Variants in CPE observed in about 807,000 individuals in gnomAD.
CPE encodes the protein carbocypeptidase E.
CPE carries 17 observed loss-of-function variants against 53.5 expected under a neutral mutation model. The ratio of observed to expected loss-of-function variants is 0.32; its 90% CI spans 0.22 to 0.48. CPE has a LOEUF of 0.48. Ranked by LOEUF, CPE falls within the 20% of genes least tolerant of loss-of-function variation. The pLI, the probability that CPE is intolerant of heterozygous loss-of-function variation, is 0.99. For missense variants in CPE, 524 were observed against 614.7 expected, an observed-to-expected ratio of 0.85 and a Z score of 1.56; for synonymous variants, 226 against 228.8, an observed-to-expected ratio of 0.99 and a Z score of 0.11.
intron 1 of CPE, among the ~76,000 whole-genome samples, chr4:165,444,152 G>A (rs1455240064): frequency 1.3e-5 from 2 of 152,140 alleles, no homozygotes; most frequent in African/African-American, 2.4e-5. Flanking sequence ...GATTTAGCCC[G>A]TAACACCTAT....
intron 5 of CPE, 66 bp downstream of exon 5, chr4:165,484,670 G>A (rs1732474549): frequency 9.2e-6 from 13 of 1,408,378 alleles, no homozygotes; most frequent in African/African-American, 1.4e-5. Context: ...TTTAGGTTTA[G>A]AGAGTGATTT....
chr4:165,409,794 C>A (rs1191189767), intron 1 of CPE, among the ~76,000 whole-genome samples: 2 of 151,938 alleles, frequency 1.3e-5, no homozygotes, highest in Non-Finnish European at 2.9e-5. Flanking sequence ...TCAGGAGGAC[C>A]CTTCATATTG....
intron 1 of CPE, chr4:165,386,232 G>A: frequency 1.9e-6 from 1 of 523,058 alleles, no homozygotes; most frequent in Non-Finnish European, 3.9e-6. Flanking sequence ...ATTTCCCACT[G>A]TTGGTCTACA....
chr4:165,455,802 G>A (rs541046832), intron 1 of CPE, among the ~76,000 whole-genome samples: 10 of 152,082 alleles, frequency 6.6e-5, no homozygotes, highest in South Asian at 4.2e-4. Flanking sequence ...ACAGGCGCCC[G>A]CCACCACATC....
At chr4:165,427,151 C>T (rs946748472) in intron 1 of CPE, among the ~76,000 whole-genome samples, 7 of 151,860 alleles carry the variant, frequency 4.6e-5, no homozygotes, top group African/African-American at 1.7e-4. Flanking sequence ...GCTGTGTAAC[C>T]TTTCTTATAT....
chr4:165,497,846 A>G lies in CPE; in HGVS notation c.*236A>G, dbSNP rs1732730348. ...CTACCTATATTACACAAAAAAGTAT[A>G]GAAAAGATTTAAGTAATTTTGCCAT... On this transcript the variant is annotated 3_prime_UTR_variant, in exon 9 of 9. Transcript: ENST00000402744. The G allele has an allele frequency of 8.2e-6, 2 of 244,442 alleles. No homozygotes were observed. The highest frequency in any genetic ancestry group is 1.5e-4 in the East Asian group (2 of 13,098). The allele number at this position is 244,442 out of a possible 1,614,324, so 15.1% of individuals were successfully genotyped here. A position where few individuals can be genotyped will look rare whatever the true frequency, so the allele number is the denominator to read the frequency against.
chr4:165,406,395 A>G (rs1053989216), intron 1 of CPE: 29 of 389,356 alleles, frequency 7.4e-5, no homozygotes, highest in Middle Eastern at 4.3e-4. Context: ...CTTTAATTTC[A>G]TTCTTATCTT....
chr4:165,422,976 CA>C (rs58058891), intron 1 of CPE, among the ~76,000 whole-genome samples: 1,715 of 76,976 alleles, frequency 0.022, 26 homozygotes, highest in African/African-American at 0.073. Context: ...AACTCTGTCT[CA>C]AAAAAAAAAA....
At chr4:165,430,396 G>A (rs920530510) in intron 1 of CPE, among the ~76,000 whole-genome samples, 18 of 152,162 alleles carry the variant, frequency 1.2e-4, no homozygotes, top group African/African-American at 4.3e-4. Context: ...AAATGTAAGT[G>A]CTTGTGTGGG....
intron 1 of CPE, among the ~76,000 whole-genome samples, chr4:165,396,475 C>T (rs948217582): frequency 7.2e-5 from 11 of 151,962 alleles, no homozygotes; most frequent in African/African-American, 2.7e-4. Context: ...AGTTTGAGAC[C>T]AGCCTGGCCA....
At chr4:165,435,848 A>G (rs1054856084) in intron 1 of CPE, among the ~76,000 whole-genome samples, 1 of 152,180 alleles carries the variant, frequency 6.6e-6, no homozygotes, top group African/African-American at 2.4e-5. Flanking sequence ...TAAAGACTAT[A>G]ATCTTCATCA....
intron 1 of CPE, among the ~76,000 whole-genome samples, chr4:165,393,803 T>C (rs1028507143): frequency 1.3e-5 from 2 of 152,172 alleles, no homozygotes; most frequent in African/African-American, 4.8e-5. Context: ...TGTAAATGGC[T>C]ATGGGTGTGC....
chr4:165,474,142 C>A (rs970241944), intron 3 of CPE, among the ~76,000 whole-genome samples: 2 of 152,208 alleles, frequency 1.3e-5, no homozygotes, highest in South Asian at 2.1e-4. Context: ...TATAAAGCAG[C>A]CAATAATTGA....
intron 1 of CPE, among the ~76,000 whole-genome samples, chr4:165,434,075 G>A (rs536206992): frequency 6.6e-6 from 1 of 151,852 alleles, no homozygotes; most frequent in South Asian, 2.1e-4. Flanking sequence ...AACCTTCCTT[G>A]TCTTTCCAGA....
intron 1 of CPE, among the ~76,000 whole-genome samples, chr4:165,435,690 G>T (rs757958847): frequency 1.3e-5 from 2 of 150,056 alleles, no homozygotes; most frequent in Non-Finnish European, 3.0e-5. Flanking sequence ...TTTGTTTATC[G>T]TATATAATAA....
intron 1 of CPE, among the ~76,000 whole-genome samples, chr4:165,439,820 A>G (rs1731577434): frequency 6.6e-6 from 1 of 152,164 alleles, no homozygotes; most frequent in Non-Finnish European, 1.5e-5. Context: ...AATAGAGCAA[A>G]TGTCAACATT....
chr4:165,444,955 TA>T (rs68186446), intron 1 of CPE, among the ~76,000 whole-genome samples: 7 of 152,150 alleles, frequency 4.6e-5, no homozygotes, highest in Non-Finnish European at 8.8e-5. Flanking sequence ...CTTCTTATTT[TA>T]TTTTTTTAAA....
At chr4:165,464,928 C>T (rs563225355) in intron 2 of CPE, among the ~76,000 whole-genome samples, 79 of 152,208 alleles carry the variant, frequency 5.2e-4, no homozygotes, top group Middle Eastern at 3.4e-3. Context: ...TATCTACTGC[C>T]TTTTGTTGAA....
At chr4:165,385,737 A>G (rs1359807653) in intron 1 of CPE, among the ~76,000 whole-genome samples, 4 of 152,246 alleles carry the variant, frequency 2.6e-5, no homozygotes, top group Non-Finnish European at 5.9e-5. Context: ...CAATAGGAAC[A>G]AAGTGTGCAT....
Sources: gnomAD v4.1 joint callset for allele counts (sites outside exome capture counted in the v4.1 genomes callset) on GRCh38, gnomAD v4.1.1 for gene constraint, MANE v1.5 for transcripts, NCBI Gene and HGNC (gene_info 2026-07-23, HGNC 2026-07-21) for gene names.